Variants in NIN observed in about 807,000 individuals in gnomAD.
NIN encodes the protein glycogen synthase kinase 3 beta-interacting protein.
In NIN, 137 loss-of-function variants were observed where a neutral mutation model predicts 257.6. The ratio of observed to expected loss-of-function variants is 0.53; its 90% CI spans 0.46 to 0.61. The LOEUF is 0.61. NIN is among the 20% of genes least tolerant of loss of function. The pLI, the probability that NIN is intolerant of heterozygous loss-of-function variation, is 0.00. For missense variants in NIN, 2,439 were observed against 2,501.2 expected, an observed-to-expected ratio of 0.98 and a Z score of 0.53; for synonymous variants, 918 against 919.8, an observed-to-expected ratio of 1.00 and a Z score of 0.04.
At chr14:50,766,490 TC>T in intron 13 of NIN, 94 bp from the exon 14 acceptor site, 1 of 1,081,110 alleles carries the variant, frequency 9.2e-7, no homozygotes, top group South Asian at 1.3e-5. Flanking sequence ...TCACCCAGTC[TC>T]TTGAGTATGA....
chr14:50,735,706 G>C, intron 27 of NIN, 89 bp from the exon 28 acceptor site: 1 of 1,446,840 alleles, frequency 6.9e-7, no homozygotes, highest in South Asian at 1.4e-5. Context: ...GTGCTTGTCA[G>C]AAATCTCAAC....
At chr14:50,755,918 T>C (rs1470825696) in intron 18 of NIN, among the ~76,000 whole-genome samples, 1 of 152,164 alleles carries the variant, frequency 6.6e-6, no homozygotes, top group African/African-American at 2.4e-5. Flanking sequence ...CCTCTTGCCT[T>C]GGCCTCCCAA....
At chr14:50,812,935 G>T (rs980765622) in intron 3 of NIN, among the ~76,000 whole-genome samples, 1 of 152,210 alleles carries the variant, frequency 6.6e-6, no homozygotes, top group Non-Finnish European at 1.5e-5. Flanking sequence ...AACCATTAGA[G>T]CAGCTTAAGT....
rs150459331 is a variant in NIN at position 50,758,279 on chromosome 14, T to C, written c.2751A>G (p.Gln917=). Residue 917 remains glutamine, a synonymous_variant, in exon 18 of 31, where the codon CAA becomes CAG. Coordinates refer to ENST00000530997, the MANE Select transcript of NIN (RefSeq NM_020921.4). ...SMVVERQQLL[Q]DLEDLRNVSE... ...ATACATTTCTTAGGTCTTCCAGGTC[T>C]TGGAGTAGCTGCTGTCTCTCGACGA... is the stretch of plus-strand genomic sequence containing the variant. 2.5e-6 allele frequency: 4 copies of C among 1,614,118 alleles called. No homozygotes were observed. The African/African-American group carries it at 5.3e-5, about 22-fold the overall frequency.
chr14:50,766,485 C>T lies in NIN; in HGVS notation c.1546-89G>A. 5 of 1,137,486 alleles carry T rather than the reference C, an allele frequency of 4.4e-6. No individual in the cohort carries two copies. In the East Asian group the frequency reaches 7.1e-5, roughly 16 times the overall value. 70.5% of individuals were successfully genotyped at this position (1,137,486 alleles called of 1,614,324 possible). A position where few individuals can be genotyped will look rare whatever the true frequency, so the allele number is the denominator to read the frequency against. On this transcript the variant is annotated intron_variant, in intron 13 of 30. Coordinates refer to ENST00000530997, the MANE Select transcript of NIN (RefSeq NM_020921.4). ...AAAGGCCCAGTTTCTGGTATTCACCCAGTCTCTTGAGTATGATAGGAATGT... is the reference window on the plus strand; with the variant it reads ...AAAGGCCCAGTTTCTGGTATTCACCTAGTCTCTTGAGTATGATAGGAATGT...
intron 8 of NIN, among the ~76,000 whole-genome samples, 156 bp downstream of exon 8, chr14:50,772,793 A>G (rs971852019): frequency 5.3e-5 from 8 of 152,140 alleles, no homozygotes; most frequent in African/African-American, 1.9e-4. Flanking sequence ...CTCAAACCCA[A>G]CCTTTCCTTC....
chr14:50,795,395 G>T (rs1181625928), intron 4 of NIN, among the ~76,000 whole-genome samples: 13 of 152,216 alleles, frequency 8.5e-5, no homozygotes, highest in Non-Finnish European at 8.8e-5. Context: ...AACATTCACG[G>T]TCAACAGCCC....
intron 5 of NIN, among the ~76,000 whole-genome samples, chr14:50,785,044 C>G (rs554377284): frequency 5.3e-5 from 8 of 152,368 alleles, no homozygotes; most frequent in Non-Finnish European, 4.4e-5. Context: ...GGAGTCCCCC[C>G]AAACCCACTC....
At position 50,719,946 on chromosome 14, in the gene NIN, TAGAG is replaced by T; in HGVS notation, c.*3513_*3516del. On this transcript the variant is annotated 3_prime_UTR_variant, in exon 31 of 31. Coordinates refer to ENST00000530997, the MANE Select transcript of NIN (RefSeq NM_020921.4). The stretch of plus-strand genomic sequence containing the variant: ...ATTAATCTTTATCTGAACAGAAACA[TAGAG>T]ATGGCTTTAGATAATCTGTTTTTCC... 4.7e-6 allele frequency: 1 copy of T among 213,882 alleles called. No individual in the cohort carries two copies. The highest frequency in any genetic ancestry group is 7.0e-5 in the East Asian group (1 of 14,196). The allele number at this position is 213,882 out of a possible 1,614,324, so 13.2% of individuals were successfully genotyped here.
At chr14:50,752,291 C>T (rs2041820796) in intron 21 of NIN, among the ~76,000 whole-genome samples, 1 of 152,154 alleles carries the variant, frequency 6.6e-6, no homozygotes, top group South Asian at 2.1e-4. Flanking sequence ...AAAAGTCCAT[C>T]TTTACCCCAG....
intron 5 of NIN, among the ~76,000 whole-genome samples, chr14:50,787,130 T>C (rs549253021): frequency 2.0e-5 from 3 of 152,368 alleles, no homozygotes; most frequent in Non-Finnish European, 2.9e-5. Context: ...CTTACACTAC[T>C]ATTGTCTACA....
intron 4 of NIN, 124 bp from the exon 5 acceptor site, chr14:50,793,005 T>A: frequency 1.1e-6 from 1 of 919,926 alleles, no homozygotes; most frequent in Non-Finnish European, 1.7e-6. Flanking sequence ...GTTTGCCAAT[T>A]GTGGTGGCTG....
chr14:50,746,947 G>A (rs909510865), intron 22 of NIN, among the ~76,000 whole-genome samples: 2 of 152,266 alleles, frequency 1.3e-5, no homozygotes, highest in Non-Finnish European at 2.9e-5. Flanking sequence ...CTGGAGGCTT[G>A]ACTTCCCGAG....
chr14:50,792,111 G>T (rs2043622001), intron 5 of NIN: 2 of 152,194 alleles, frequency 1.3e-5, no homozygotes, highest in Admixed American at 6.5e-5. Context: ...GGGGATGAGG[G>T]AGGCTGGCGA....
Position 50,726,002 on chromosome 14 carries a change from T to C in NIN, c.6143A>G (p.Lys2048Arg). Residue 2048 changes from lysine (K) to arginine (R), a missense_variant, in exon 30 of 31, where the codon AAA (lysine) becomes AGA (arginine). By Grantham distance (26) the Lys-to-Arg change is conservative. This residue lies in a region of NIN where 2,043 missense variants were observed against 2,050.2 expected (regional missense o/e 1.00). Transcript: ENST00000530997. Reference protein sequence around the residue: ...ERMIEVEQKLKLVKRLLQEKV... With the variant: ...ERMIEVEQKLRLVKRLLQEKV... ...CTCTTGAAGAAGCCTTTTCACTAGT[T>C]TCAGTTTCTGTTCAACTTCTATCAT... 2 of 1,614,140 alleles carry C rather than the reference T, an allele frequency of 1.2e-6. No individual in the cohort carries two copies. Among genetic ancestry groups the C allele is most frequent in the African/African-American group, 1.3e-5 (1 of 75,054 alleles).
At chr14:50,732,573 T>C (rs1443322180) in intron 28 of NIN, among the ~76,000 whole-genome samples, 1 of 152,246 alleles carries the variant, frequency 6.6e-6, no homozygotes, top group Non-Finnish European at 1.5e-5. Context: ...TTGTACATTT[T>C]TAAATGGTTA....
chr14:50,812,058 T>A (rs1299167489), intron 3 of NIN, among the ~76,000 whole-genome samples: 1 of 152,100 alleles, frequency 6.6e-6, no homozygotes, highest in Non-Finnish European at 1.5e-5. Flanking sequence ...AGGTGGAGAT[T>A]GCAGTGAGTT....
chr14:50,754,696 T>C lies in NIN; in HGVS notation c.4664+46A>G, dbSNP rs1388831654. ...TTTAAAAGCTGAAGTAAAAGAATTT[T>C]AGTCTTTGCAAAAATGTCTTAGGAA... On this transcript the variant is annotated intron_variant, in intron 19 of 30. Transcript: ENST00000530997. 3.8e-6 allele frequency: 6 copies of C among 1,581,654 alleles called. No individual in the cohort carries two copies. In the African/African-American group the frequency reaches 5.4e-5, roughly 14 times the overall value.
chr14:50,806,407 C>T (rs1419757964), intron 4 of NIN: 1 of 181,852 alleles, frequency 5.5e-6, no homozygotes, highest in African/African-American at 2.4e-5. Context: ...AAAATTTCCC[C>T]AAATCATATC....
Sources: gnomAD v4.1 joint callset for allele counts (sites outside exome capture counted in the v4.1 genomes callset) on GRCh38, gnomAD v4.1.1 for gene constraint, gnomAD v4.1.1 regional missense constraint, MANE v1.5 for transcripts, NCBI Gene and HGNC (gene_info 2026-07-23, HGNC 2026-07-21) for gene names.